Variants in VWF observed in about 807,000 individuals in gnomAD.
VWF encodes the protein von Willebrand factor, also known as Factor VIII related antigen.
In VWF, 176 loss-of-function variants were observed where a neutral mutation model predicts 308.6. The observed-to-expected ratio is 0.57, with a 90% CI of 0.50 to 0.65. The LOEUF (loss-of-function observed/expected upper bound fraction) is 0.65. Ranked by LOEUF, VWF falls within the 30% of genes least tolerant of loss-of-function variation. The pLI, the probability that VWF is intolerant of heterozygous loss-of-function variation, is 0.00. For synonymous variants in VWF, 1,385 were observed against 1,443.4 expected (o/e 0.96, Z 0.92); for missense variants, 3,146 against 3,648.2 (o/e 0.86, Z 3.55).
At chr12:5,986,581 T>G (rs932461258) in intron 38 of VWF, among the ~76,000 whole-genome samples, 3 of 152,124 alleles carry the variant, frequency 2.0e-5, no homozygotes, top group African/African-American at 7.2e-5. Context: ...AGAAGGAAGA[T>G]CAAATACCCA....
chr12:6,019,019 G>A lies in VWF; in HGVS notation c.4399C>T (p.Pro1467Ser), dbSNP rs61750091. ...LCDLAPEAPP[P>S]TLPPDMAQVT... The stretch of plus-strand genomic sequence containing the variant: ...TGTGCCATGTCGGGGGGCAGAGTAG[G>A]AGGAGGGGCTTCAGGGGCAAGGTCA... The change falls in exon 28 of 52, where the codon CCT becomes TCT. Residue 1467 changes from proline to serine, a missense_variant. By Grantham distance (74) the Pro-to-Ser change is moderately conservative. Transcript: ENST00000261405. This position sits in a 1 kb window ranked among gnomAD's most constrained non-coding sequence, Gnocchi z 5.8. 1 of 1,613,834 alleles carries A rather than the reference G, an allele frequency of 6.2e-7. No individual in the cohort carries two copies. Among genetic ancestry groups the A allele is most frequent in the African/African-American group, 1.3e-5 (1 of 74,910 alleles).
chr12:6,042,302 A>C (rs1321451104), intron 18 of VWF, among the ~76,000 whole-genome samples: 1 of 152,054 alleles, frequency 6.6e-6, no homozygotes, highest in Non-Finnish European at 1.5e-5. Context: ...GCCCTTAGTG[A>C]CATCCCACAA....
chr12:6,003,168 A>C (rs1288618553), intron 34 of VWF, among the ~76,000 whole-genome samples: 2 of 152,272 alleles, frequency 1.3e-5, no homozygotes, highest in Non-Finnish European at 2.9e-5. Flanking sequence ...AATCATAAAA[A>C]GGAACCAAAA....
intron 50 of VWF, among the ~76,000 whole-genome samples, chr12:5,950,340 T>C (rs370679150): frequency 2.2e-4 from 33 of 152,282 alleles, no homozygotes; most frequent in African/African-American, 7.2e-4. Context: ...TGTAAGGGCA[T>C]ACCCTGCCTC....
chr12:6,018,255 C>T, intron 28 of VWF, 110 bp downstream of exon 28: 1 of 1,388,410 alleles, frequency 7.2e-7, no homozygotes, highest in Non-Finnish European at 9.8e-7. Context: ...CCACACAGAC[C>T]AGGGAAGCCA....
chr12:6,026,812 ATAGTAACTACCCTGATTTGAT>A lies in VWF; in HGVS notation c.2968-787_2968-767del, dbSNP rs1944198011. 7.2e-5 allele frequency among the ~76,000 whole-genome samples: 11 copies of A among 152,342 alleles called. No homozygotes were observed. In the South Asian group the frequency reaches 2.3e-3, roughly 32 times the overall value. The stretch of plus-strand genomic sequence containing the variant: ...ATGGTAAATGTTTGAGGGAACAGAT[ATAGTAACTACCCTGATTTGAT>A]CACTACACACTGTATACATGTACTG... On this transcript the variant is annotated intron_variant, in intron 22 of 51. Transcript: ENST00000261405.
At position 6,065,187 on chromosome 12, in the gene VWF, C is replaced by G; in HGVS notation, c.1243G>C (p.Ala415Pro). Residue 415 changes from alanine to proline, a missense_variant, in exon 11 of 52, where the codon GCC becomes CCC. Coordinates refer to ENST00000261405, the MANE Select transcript of VWF (RefSeq NM_000552.5). ...AAGGAGTGGTCCTGGCAATCCCGGG[C>G]CAGCAGGTACTGGCAGATCCCACTG... ...TFSGICQYLL[A>P]RDCQDHSFSI... The G allele has an allele frequency of 6.2e-7, 1 of 1,614,170 alleles. No homozygotes were observed. The highest frequency in any genetic ancestry group is 8.5e-7 in the Non-Finnish European group (1 of 1,180,024).
intron 37 of VWF, 81 bp from the exon 38 acceptor site, chr12:5,992,099 T>G: frequency 1.4e-6 from 2 of 1,380,590 alleles, no homozygotes; most frequent in Non-Finnish European, 2.0e-6. Context: ...ACATGGTTAA[T>G]CATCAGACAA....
At position 6,103,245 on chromosome 12, in the gene VWF, A is replaced by G. The variant is rs573022263; in HGVS notation, c.532+7129T>C. Among the ~76,000 whole-genome samples the G allele has an allele frequency of 3.2e-4, 49 of 151,942 alleles. No individual in the cohort carries two copies. The South Asian group carries it at 8.3e-3, about 26-fold the overall frequency. Reference sequence around the variant, plus strand: ...AGGGAGGCTGAGGCAGGAGAATGGCATGAACCCAGGAGGCGGAGCTTGCAG... The same window carrying G: ...AGGGAGGCTGAGGCAGGAGAATGGCGTGAACCCAGGAGGCGGAGCTTGCAG... On this transcript the variant is annotated intron_variant, in intron 5 of 51. Coordinates refer to ENST00000261405, the MANE Select transcript of VWF (RefSeq NM_000552.5).
intron 2 of VWF, among the ~76,000 whole-genome samples, chr12:6,122,191 T>G (rs1444301837): frequency 6.6e-6 from 1 of 152,266 alleles, no homozygotes; most frequent in Non-Finnish European, 1.5e-5. Flanking sequence ...TTTTAGTGGC[T>G]GCATTATATT....
chr12:5,964,495 TC>T (rs1943376101), intron 47 of VWF, among the ~76,000 whole-genome samples: 1 of 152,224 alleles, frequency 6.6e-6, no homozygotes, highest in Non-Finnish European at 1.5e-5. Flanking sequence ...AACTCTGTTG[TC>T]ATTCTTTTTC....
chr12:6,034,476 C>T (rs912918115), intron 20 of VWF, among the ~76,000 whole-genome samples: 7 of 152,208 alleles, frequency 4.6e-5, no homozygotes, highest in African/African-American at 1.7e-4. Context: ...TTTTATAAGT[C>T]CCCAGGTGAG....
At chr12:5,969,802 G>A (rs1031714874) in intron 44 of VWF, among the ~76,000 whole-genome samples, 3 of 152,182 alleles carry the variant, frequency 2.0e-5, no homozygotes. Flanking sequence ...GCTGGCAGAA[G>A]CCCGGGAAGG....
intron 41 of VWF, among the ~76,000 whole-genome samples, chr12:5,982,618 G>A (rs1943619392): frequency 6.6e-6 from 1 of 152,092 alleles, no homozygotes; most frequent in Non-Finnish European, 1.5e-5. Context: ...CACATCAGCA[G>A]GACAAGAACG....
At chr12:6,066,225 G>A (rs1399086791) in intron 10 of VWF, among the ~76,000 whole-genome samples, 1 of 152,146 alleles carries the variant, frequency 6.6e-6, no homozygotes, top group Non-Finnish European at 1.5e-5. Context: ...CTGGCAGGGG[G>A]AGGCCTCTGC....
At chr12:5,978,328 T>C in intron 42 of VWF, among the ~76,000 whole-genome samples, 1 of 152,262 alleles carries the variant, frequency 6.6e-6, no homozygotes, top group East Asian at 1.9e-4. Context: ...AATGGCACAA[T>C]CTCGGCTCAC....
chr12:6,056,528 C>G (rs373227210), intron 15 of VWF, among the ~76,000 whole-genome samples: 6 of 152,336 alleles, frequency 3.9e-5, no homozygotes, highest in African/African-American at 1.4e-4. Context: ...GCTCCACAGC[C>G]TGACCTTCTG....
chr12:6,026,401 G>A (rs1163334589), intron 22 of VWF, among the ~76,000 whole-genome samples: 2 of 152,200 alleles, frequency 1.3e-5, no homozygotes. Context: ...AGCAGAGAGA[G>A]GAGCCAGGTA....
At chr12:6,026,327 G>GA (rs1260175814) in intron 22 of VWF, among the ~76,000 whole-genome samples, 1 of 152,160 alleles carries the variant, frequency 6.6e-6, no homozygotes, top group African/African-American at 2.4e-5. Flanking sequence ...GCAGAGGTGG[G>GA]AATCAGGCAG....
Sources: gnomAD v4.1 joint callset for allele counts (sites outside exome capture counted in the v4.1 genomes callset) on GRCh38, gnomAD v4.1.1 for gene constraint, Gnocchi (gnomAD v3.1) non-coding constraint, MANE v1.5 for transcripts, NCBI Gene and HGNC (gene_info 2026-07-23, HGNC 2026-07-21) for gene names.